HADHB: variants seen among roughly 807,000 people sequenced by gnomAD.
The protein encoded by HADHB is hydroxyacyl-CoA dehydrogenase trifunctional multienzyme complex subunit beta.
In HADHB, 50 loss-of-function variants were observed where a neutral mutation model predicts 61.9. The observed-to-expected ratio is 0.81, with a 90% CI of 0.64 to 1.02. The LOEUF (loss-of-function observed/expected upper bound fraction) is 1.02. Ranked by LOEUF, HADHB falls within the 50% of genes least tolerant of loss-of-function variation. HADHB has a pLI of 0.00. For missense variants in HADHB, 504 were observed against 586.5 expected (o/e 0.86, Z 1.45); for synonymous variants, 191 against 201.6 (o/e 0.95, Z 0.45).
chr2:26,273,729 A>C lies in HADHB; in HGVS notation c.333A>C (p.Lys111Asn). The C allele has an allele frequency of 6.3e-7, 1 of 1,593,926 alleles. No homozygotes were observed. Among genetic ancestry groups the C allele is most frequent in the Non-Finnish European group, 8.6e-7 (1 of 1,161,694 alleles). Residue 111 changes from lysine to asparagine, a missense_variant, in exon 6 of 16, where the codon AAA becomes AAC. By Grantham distance (94) the Lys-to-Asn change is moderately conservative. Transcript: ENST00000317799. ...TTGGTACAGTTATTCAGGAAGTGAA[A>C]ACAAGCAATGTGGCTAGAGAGGTGA... is the stretch of plus-strand genomic sequence containing the variant. ...IIFGTVIQEVKTSNVAREAAL... is the reference protein window; with the variant it reads ...IIFGTVIQEVNTSNVAREAAL...
In HADHB at chr2:26,278,642, T is replaced by C; in HGVS notation, c.471T>C (p.Cys157=). 6.2e-7 allele frequency: 1 copy of C among 1,614,176 alleles called. No homozygotes were observed. The highest frequency in any genetic ancestry group is 1.7e-5 in the Admixed American group (1 of 60,028). ...TTGGCTTGATTGCTTCTGGCCAGTG[T>C]GATGTGATCGTGGCAGGTGGTGTTG... is the stretch of plus-strand genomic sequence containing the variant. ...TGVGLIASGQ[C]DVIVAGGVEL... The change falls in exon 8 of 16, where the codon TGT becomes TGC. Residue 157 remains cysteine, a synonymous_variant. Transcript: ENST00000317799.
At chr2:26,253,901 T>TAAATAAATAAAA (rs1312209475) in intron 1 of HADHB, among the ~76,000 whole-genome samples, 8 of 145,566 alleles carry the variant, frequency 5.5e-5, no homozygotes, top group African/African-American at 2.0e-4. Flanking sequence ...AATAAATAAA[T>TAAATAAATAAAA]AAAAATTCCA....
rs368044920 is a variant in HADHB at position 26,249,825 on chromosome 2, T to G, written c.-8-4422T>G. 5.9e-5 allele frequency among the ~76,000 whole-genome samples: 9 copies of G among 152,106 alleles called. No individual in the cohort carries two copies. The East Asian group carries it at 1.2e-3, about 20-fold the overall frequency. On this transcript the variant is annotated intron_variant, in intron 1 of 15. Coordinates refer to ENST00000317799, the MANE Select transcript of HADHB (RefSeq NM_000183.3). Reference sequence around the variant, plus strand: ...GTCAAGGCAATGCCGTGCATGGTTGTTTGAGGCCTTGGTACCTGAATCAAT... The same window carrying G: ...GTCAAGGCAATGCCGTGCATGGTTGGTTGAGGCCTTGGTACCTGAATCAAT...
chr2:26,278,221 C>T (rs894135378), intron 7 of HADHB, among the ~76,000 whole-genome samples: 6 of 151,960 alleles, frequency 3.9e-5, no homozygotes, highest in East Asian at 1.9e-4. Flanking sequence ...GCCTGCCTTA[C>T]GTTTCAACAG....
intron 3 of HADHB, among the ~76,000 whole-genome samples, chr2:26,259,856 G>A (rs1671787561): frequency 1.3e-5 from 2 of 152,040 alleles, no homozygotes; most frequent in Middle Eastern, 3.2e-3. Context: ...AGAATTCGAT[G>A]GGCAAAAAAG....
intron 3 of HADHB, among the ~76,000 whole-genome samples, chr2:26,258,017 C>CA (rs113891787): frequency 7.5e-4 from 106 of 141,036 alleles, no homozygotes; most frequent in South Asian, 5.8e-3. Flanking sequence ...GACTCTGTCT[C>CA]AAAAAAAAAA....
intron 1 of HADHB, among the ~76,000 whole-genome samples, chr2:26,246,244 TTTG>T (rs576005702): frequency 3.3e-5 from 5 of 152,170 alleles, no homozygotes; most frequent in South Asian, 2.1e-4. Flanking sequence ...AGTGGTAAAT[TTTG>T]TTGTTGTTGT....
chr2:26,289,959 C>T lies in HADHB; in HGVS notation c.*6C>T, dbSNP rs1290423351. The T allele has an allele frequency of 7.5e-6, 12 of 1,597,414 alleles. No individual in the cohort carries two copies. The South Asian group carries it at 1.2e-4, about 16-fold the overall frequency. ...TGGAAGCTTATCCAAAATAATAGAT[C>T]CAGAAGAAGTGACCTGAAGTTTCTG... On this transcript the variant is annotated 3_prime_UTR_variant, in exon 16 of 16. Coordinates refer to ENST00000317799, the MANE Select transcript of HADHB (RefSeq NM_000183.3).
intron 4 of HADHB, among the ~76,000 whole-genome samples, chr2:26,267,736 C>T (rs1286660644): frequency 6.9e-6 from 1 of 145,116 alleles, no homozygotes; most frequent in African/African-American, 2.6e-5. Context: ...CGTGCCACTG[C>T]ACTCCAGCCT....
At chr2:26,275,493 C>A (rs1672503452) in intron 6 of HADHB, among the ~76,000 whole-genome samples, 1 of 152,200 alleles carries the variant, frequency 6.6e-6, no homozygotes, top group Non-Finnish European at 1.5e-5. Flanking sequence ...TTTAAAGCTC[C>A]TTCCGTCCTG....
intron 7 of HADHB, among the ~76,000 whole-genome samples, chr2:26,277,683 C>T (rs78833313): frequency 0.014 from 2,128 of 152,238 alleles, 42 homozygotes; most frequent in African/African-American, 0.047. Context: ...TTACCATTGG[C>T]GTGGTTCCTC....
At chr2:26,269,149 TAA>T (rs35675939) in intron 4 of HADHB, among the ~76,000 whole-genome samples, 11 of 132,072 alleles carry the variant, frequency 8.3e-5, no homozygotes, top group African/African-American at 1.4e-4. Flanking sequence ...ACCTCCGTCT[TAA>T]AAAAAAAAAA....
At chr2:26,261,938 A>G (rs571595539) in intron 3 of HADHB, among the ~76,000 whole-genome samples, 11 of 151,572 alleles carry the variant, frequency 7.3e-5, no homozygotes, top group Non-Finnish European at 1.0e-4. Context: ...TCTTTTATAA[A>G]CTTCCTCTTT....
chr2:26,286,704 C>T (rs1384362440), intron 15 of HADHB, among the ~76,000 whole-genome samples: 3 of 151,510 alleles, frequency 2.0e-5, no homozygotes, highest in South Asian at 2.1e-4. Context: ...CGGGGTTTCA[C>T]CGTATTGGCC....
chr2:26,286,926 G>A (rs1010788767), intron 15 of HADHB, among the ~76,000 whole-genome samples: 4 of 151,620 alleles, frequency 2.6e-5, no homozygotes, highest in African/African-American at 7.3e-5. Context: ...TAAACTGGCC[G>A]GGTGCAGTGG....
chr2:26,245,634 C>T lies in HADHB; in HGVS notation c.-9+644C>T, dbSNP rs114223675. On this transcript the variant is annotated intron_variant, in intron 1 of 15. Coordinates refer to ENST00000317799, the MANE Select transcript of HADHB (RefSeq NM_000183.3). ...TCAGAGAGAGTGATTTTACCCATGG[C>T]CATATGTAGTAGAAATAAGACTGGA... Among the ~76,000 whole-genome samples, 1,107 of 151,942 alleles carry T rather than the reference C, an allele frequency of 7.3e-3. 5 individuals are homozygous for T. Among genetic ancestry groups the T allele is most frequent in the Non-Finnish European group, 0.011 (734 of 67,992 alleles).
chr2:26,281,502 T>C (rs1672785828), intron 10 of HADHB, among the ~76,000 whole-genome samples: 1 of 152,148 alleles, frequency 6.6e-6, no homozygotes. Flanking sequence ...CAAAACCGAA[T>C]TGGATGATAG....
At chr2:26,277,233 CTTTTTTTTTTT>C in intron 7 of HADHB, 73 bp downstream of exon 7, 2 of 438,422 alleles carry the variant, frequency 4.6e-6, no homozygotes, top group South Asian at 4.7e-5. Flanking sequence ...TAAAAATGTA[CTTTTTTTTTTT>C]TTTTTTTTTT....
chr2:26,280,372 C>A (rs143896103), intron 10 of HADHB, among the ~76,000 whole-genome samples: 10 of 152,078 alleles, frequency 6.6e-5, no homozygotes, highest in Non-Finnish European at 1.3e-4. Context: ...ACTTCTATTG[C>A]TTATGGTGGG....
Sources: allele counts gnomAD v4.1 joint callset (sites outside exome capture counted in the v4.1 genomes callset), GRCh38; gene constraint gnomAD v4.1.1; transcripts MANE v1.5; gene names NCBI Gene and HGNC (gene_info 2026-07-23, HGNC 2026-07-21).